Variants in TMC1 observed in about 807,000 individuals in gnomAD.
TMC1 encodes transmembrane channel like 1, also known as transmembrane channel-like protein 1.
Under a neutral mutation model 105.8 loss-of-function variants are expected in TMC1, and 84 were observed. The ratio of observed to expected loss-of-function variants is 0.79; its 90% CI spans 0.67 to 0.95. The LOEUF is 0.95. TMC1 is among the 40% of genes least tolerant of loss of function. The probability of loss-of-function intolerance (pLI) is 0.00; values close to 1 mark genes in which losing one functional copy is unlikely to be tolerated. For missense variants in TMC1, 817 were observed against 914.1 expected, an observed-to-expected ratio of 0.89 and a Z score of 1.37; for synonymous variants, 315 against 311.5, an observed-to-expected ratio of 1.01 and a Z score of -0.12.
At chr9:72,685,474 C>T (rs989939347) in intron 5 of TMC1, among the ~76,000 whole-genome samples, 2 of 151,596 alleles carry the variant, frequency 1.3e-5, no homozygotes, top group African/African-American at 2.4e-5. Context: ...GGTGATTCTC[C>T]TGACTCAGCC....
chr9:72,677,660 T>C (rs1826223967), intron 5 of TMC1, among the ~76,000 whole-genome samples: 1 of 152,124 alleles, frequency 6.6e-6, no homozygotes, highest in African/African-American at 2.4e-5. Context: ...AGACAATCAA[T>C]TATTAATACC....
chr9:72,550,719 A>G (rs1226703498), intron 1 of TMC1, among the ~76,000 whole-genome samples: 1 of 150,606 alleles, frequency 6.6e-6, no homozygotes, highest in Non-Finnish European at 1.5e-5. Context: ...AATAGGGGGT[A>G]AAAAGGCTGG....
At chr9:72,658,605 A>G (rs2132158924) in intron 5 of TMC1, among the ~76,000 whole-genome samples, 1 of 152,382 alleles carries the variant, frequency 6.6e-6, no homozygotes, top group South Asian at 2.1e-4. Flanking sequence ...TATGTTTTAT[A>G]GAACAGAATT....
chr9:72,711,134 A>G (rs566832209), intron 8 of TMC1, among the ~76,000 whole-genome samples: 1 of 152,314 alleles, frequency 6.6e-6, no homozygotes, highest in South Asian at 2.1e-4. Context: ...TCCATGGTGT[A>G]TATGTGCCAC....
intron 2 of TMC1, among the ~76,000 whole-genome samples, chr9:72,611,594 A>G (rs1294279146): frequency 6.6e-6 from 1 of 152,176 alleles, no homozygotes; most frequent in African/African-American, 2.4e-5. Context: ...GGTAGGGGGC[A>G]GGAGGAATGG....
At chr9:72,737,888 C>CATGTCAAATGTCAAATGTCAA (rs1325190889) in intron 8 of TMC1, among the ~76,000 whole-genome samples, 11 of 152,152 alleles carry the variant, frequency 7.2e-5, no homozygotes, top group African/African-American at 2.7e-4. Flanking sequence ...GCACAGAGGT[C>CATGTCAAATGTCAAATGTCAA]ATGTCAAATG....
intron 20 of TMC1, among the ~76,000 whole-genome samples, chr9:72,822,027 A>G (rs1350249493): frequency 6.6e-6 from 1 of 152,216 alleles, no homozygotes; most frequent in African/African-American, 2.4e-5. Flanking sequence ...CCTTGATCCA[A>G]TTTAGAGATA....
chr9:72,627,956 G>T lies in TMC1; in HGVS notation c.-160G>T. The T allele has an allele frequency of 2.2e-6, 1 of 450,590 alleles. No individual in the cohort carries two copies. The highest frequency in any genetic ancestry group is 3.4e-4 in the Middle Eastern group (1 of 2,922). The allele number at this position is 450,590 out of a possible 1,614,324, so 27.9% of individuals were successfully genotyped here. Reference sequence around the variant, plus strand: ...GCCTCAAAAATGGAAAACCCCCTGTGCTTCACATCTGAAAATCTCTGCTGG... The same window carrying T: ...GCCTCAAAAATGGAAAACCCCCTGTTCTTCACATCTGAAAATCTCTGCTGG... On this transcript the variant is annotated 5_prime_UTR_variant, in exon 4 of 24. Coordinates refer to ENST00000297784, the MANE Select transcript of TMC1 (RefSeq NM_138691.3).
intron 5 of TMC1, among the ~76,000 whole-genome samples, chr9:72,678,232 T>C (rs1826233073): frequency 6.6e-6 from 1 of 152,122 alleles, no homozygotes; most frequent in East Asian, 1.9e-4. Flanking sequence ...CCCGTGTCTA[T>C]TCAGAGTTTC....
intron 17 of TMC1, among the ~76,000 whole-genome samples, chr9:72,799,166 T>C (rs1828426128): frequency 6.6e-6 from 1 of 152,128 alleles, no homozygotes; most frequent in African/African-American, 2.4e-5. Context: ...TTAGTTAGAA[T>C]TGATATTCCT....
intron 8 of TMC1, among the ~76,000 whole-genome samples, chr9:72,739,002 G>A (rs934566729): frequency 6.6e-6 from 1 of 151,648 alleles, no homozygotes; most frequent in South Asian, 2.1e-4. Context: ...TTGGTAAATT[G>A]TTTTTCAAAC....
At chr9:72,605,777 T>G (rs1587984390) in intron 2 of TMC1, among the ~76,000 whole-genome samples, 1 of 152,000 alleles carries the variant, frequency 6.6e-6, no homozygotes, top group Non-Finnish European at 1.5e-5. Context: ...GGTTTTGTCA[T>G]GTTGCCCAGG....
intron 2 of TMC1, among the ~76,000 whole-genome samples, chr9:72,609,366 C>T (rs575719202): frequency 6.6e-6 from 1 of 152,074 alleles, no homozygotes; most frequent in East Asian, 1.9e-4. Context: ...TGGTGAAAAC[C>T]CGTCTCTACT....
At position 72,609,503 on chromosome 9, in the gene TMC1, G is replaced by A. The variant is rs533706256; in HGVS notation, c.-305-6865G>A. On this transcript the variant is annotated intron_variant, in intron 2 of 23. Transcript: ENST00000297784. ...TGTAGTGAGCCGAGATCGTTCCACTGCATTCCGGCCTGGGTGACAGAGTGA... is the reference window on the plus strand; with the variant it reads ...TGTAGTGAGCCGAGATCGTTCCACTACATTCCGGCCTGGGTGACAGAGTGA... Among the ~76,000 whole-genome samples, 45 of 152,208 alleles carry A rather than the reference G, an allele frequency of 3.0e-4. No homozygotes were observed. The South Asian group carries it at 8.1e-3, about 27-fold the overall frequency.
chr9:72,691,512 C>T (rs1345551542), intron 6 of TMC1, among the ~76,000 whole-genome samples: 3 of 152,164 alleles, frequency 2.0e-5, no homozygotes, highest in Non-Finnish European at 4.4e-5. Flanking sequence ...TTGGGCCTCT[C>T]AAACATTTCC....
At chr9:72,805,240 A>T (rs1241136476) in intron 17 of TMC1, 142 bp from the exon 18 acceptor site, 1 of 701,392 alleles carries the variant, frequency 1.4e-6, no homozygotes, top group East Asian at 2.7e-5. Context: ...TATTTACTTG[A>T]TATGACTAGT....
chr9:72,558,901 C>T (rs1169712342), intron 1 of TMC1, among the ~76,000 whole-genome samples: 1 of 150,542 alleles, frequency 6.6e-6, no homozygotes, highest in Non-Finnish European at 1.5e-5. Context: ...TTGTGTAATT[C>T]CCTTTTTCAA....
intron 2 of TMC1, among the ~76,000 whole-genome samples, chr9:72,589,052 G>A (rs771919207): frequency 2.0e-5 from 3 of 152,216 alleles, no homozygotes; most frequent in Non-Finnish European, 4.4e-5. Flanking sequence ...TTACAGGTGT[G>A]AGCCACCATG....
Position 72,826,941 on chromosome 9 carries a change from C to T in TMC1, c.2076C>T (p.Ile692=). 6.2e-7 allele frequency: 1 copy of T among 1,614,094 alleles called. No individual in the cohort carries two copies. The highest frequency in any genetic ancestry group is 1.1e-5 in the South Asian group (1 of 91,086). ...EHDFPSWMAK[I]LRQLSNPGLV... is the part of the protein sequence containing the mutation. ...ATTTCCCAAGCTGGATGGCGAAGAT[C>T]TTGAGACAGCTTTCAAACCCTGGGC... is the stretch of plus-strand genomic sequence containing the variant. The change falls in exon 21 of 24, where the codon ATC becomes ATT. Residue 692 remains isoleucine, a synonymous_variant. Coordinates refer to ENST00000297784, the MANE Select transcript of TMC1 (RefSeq NM_138691.3).
Sources: gnomAD v4.1 joint callset for allele counts (sites outside exome capture counted in the v4.1 genomes callset) on GRCh38, gnomAD v4.1.1 for gene constraint, MANE v1.5 for transcripts, NCBI Gene and HGNC (gene_info 2026-07-23, HGNC 2026-07-21) for gene names.